BNC2: variants seen among roughly 807,000 people sequenced by gnomAD.
The protein encoded by BNC2 is basonuclin zinc finger protein 2.
BNC2 carries 20 observed loss-of-function variants against 76.3 expected under a neutral mutation model. The observed-to-expected ratio is 0.26, with a 90% CI of 0.18 to 0.38. The LOEUF (loss-of-function observed/expected upper bound fraction) is 0.38. BNC2 is among the 10% of genes least tolerant of loss of function. The probability of loss-of-function intolerance (pLI) is 1.00; values close to 1 mark genes in which losing one functional copy is unlikely to be tolerated. For missense variants in BNC2, 1,382 were observed against 1,399.8 expected, an observed-to-expected ratio of 0.99 and a Z score of 0.20; for synonymous variants, 582 against 514.8, an observed-to-expected ratio of 1.13 and a Z score of -1.77.
At chr9:16,722,316 T>A (rs915500879) in intron 3 of BNC2, among the ~76,000 whole-genome samples, 1 of 152,230 alleles carries the variant, frequency 6.6e-6, no homozygotes, top group Admixed American at 6.5e-5. Flanking sequence ...CAGGGAGGAT[T>A]TGCCGTGGCT....
chr9:16,733,676 A>T (rs2135064204), intron 2 of BNC2, among the ~76,000 whole-genome samples: 1 of 152,248 alleles, frequency 6.6e-6, no homozygotes, highest in African/African-American at 2.4e-5. Flanking sequence ...TAAAGTTCTG[A>T]TATGAAGCCA....
chr9:16,818,651 G>T (rs1412113970), intron 1 of BNC2, among the ~76,000 whole-genome samples: 1 of 152,070 alleles, frequency 6.6e-6, no homozygotes, highest in Non-Finnish European at 1.5e-5. Context: ...AAAAAGTTCA[G>T]ACTAGATCTA....
chr9:16,815,144 T>G (rs148192788), intron 1 of BNC2, among the ~76,000 whole-genome samples: 12 of 152,056 alleles, frequency 7.9e-5, no homozygotes, highest in Non-Finnish European at 1.5e-4. Flanking sequence ...TTAAGAAGTG[T>G]AGAATAAAGC....
At chr9:16,713,163 T>G (rs1823898913) in intron 3 of BNC2, among the ~76,000 whole-genome samples, 1 of 151,956 alleles carries the variant, frequency 6.6e-6, no homozygotes. Flanking sequence ...CCAGCTACAC[T>G]TTTTTTTAAG....
chr9:16,782,104 A>C (rs1208895650), intron 1 of BNC2, among the ~76,000 whole-genome samples: 1 of 152,036 alleles, frequency 6.6e-6, no homozygotes, highest in Admixed American at 6.6e-5. Flanking sequence ...GGCCAACATG[A>C]GGAAACCCCA....
At chr9:16,528,750 T>C (rs1016097861) in intron 5 of BNC2, among the ~76,000 whole-genome samples, 5 of 152,172 alleles carry the variant, frequency 3.3e-5, no homozygotes, top group Admixed American at 1.3e-4. Flanking sequence ...TGTCTTTAAA[T>C]AAGTGACTAA....
chr9:16,415,751 A>G lies in BNC2; in HGVS notation c.*3238T>C, dbSNP rs797014591. ...AGAATTGTACATTTTATGATTTTCC[A>G]TTGCATGTACTACATCCATCCACTC... On this transcript the variant is annotated 3_prime_UTR_variant, in exon 7 of 7. Transcript: ENST00000380672. 6.6e-6 allele frequency: 1 copy of G among 152,346 alleles called. No homozygotes were observed. The highest frequency in any genetic ancestry group is 2.4e-5 in the African/African-American group (1 of 41,580). The allele number at this position is 152,346 out of a possible 1,614,324, so 9.4% of individuals were successfully genotyped here.
At chr9:16,799,026 T>C (rs1003981840) in intron 1 of BNC2, among the ~76,000 whole-genome samples, 1 of 152,210 alleles carries the variant, frequency 6.6e-6, no homozygotes, top group Non-Finnish European at 1.5e-5. Context: ...GTAGTTTTTA[T>C]GGCTCAGAAC....
At chr9:16,761,764 A>C (rs184625256) in intron 1 of BNC2, among the ~76,000 whole-genome samples, 17 of 152,314 alleles carry the variant, frequency 1.1e-4, no homozygotes, top group Admixed American at 1.1e-3. Flanking sequence ...TTTTTGATGA[A>C]CAGAAATAAC....
chr9:16,830,878 A>C (rs1005098750), intron 1 of BNC2, among the ~76,000 whole-genome samples: 6 of 151,510 alleles, frequency 4.0e-5, no homozygotes, highest in African/African-American at 4.9e-5. Context: ...TTGGAGGCTG[A>C]AAGACTTAAA....
intron 3 of BNC2, among the ~76,000 whole-genome samples, chr9:16,687,627 T>A (rs1259607343): frequency 1.3e-5 from 2 of 152,136 alleles, no homozygotes; most frequent in South Asian, 2.1e-4. Flanking sequence ...AAAACCTCAA[T>A]AAATGGGACT....
chr9:16,538,362 TTTAAC>T (rs1326161401), intron 5 of BNC2, among the ~76,000 whole-genome samples: 1 of 151,802 alleles, frequency 6.6e-6, no homozygotes, highest in Non-Finnish European at 1.5e-5. Context: ...GGTACTCTAC[TTTAAC>T]AGGCACCACA....
chr9:16,866,928 G>GT (rs1346600886), intron 1 of BNC2, among the ~76,000 whole-genome samples: 1 of 152,134 alleles, frequency 6.6e-6, no homozygotes, highest in Non-Finnish European at 1.5e-5. Flanking sequence ...TCTGTTTCTT[G>GT]TAAGGATGTA....
At chr9:16,505,903 C>T (rs1344242913) in intron 5 of BNC2, among the ~76,000 whole-genome samples, 1 of 152,124 alleles carries the variant, frequency 6.6e-6, no homozygotes, top group Non-Finnish European at 1.5e-5. Flanking sequence ...TACACAAAGT[C>T]GCATTAACCA....
intron 1 of BNC2, among the ~76,000 whole-genome samples, chr9:16,753,473 A>T (rs1444199286): frequency 6.6e-6 from 1 of 152,230 alleles, no homozygotes; most frequent in Non-Finnish European, 1.5e-5. Flanking sequence ...CAACACTACA[A>T]TGTGATTCAG....
intron 1 of BNC2, among the ~76,000 whole-genome samples, chr9:16,757,942 C>T (rs1023479729): frequency 6.6e-6 from 1 of 152,112 alleles, no homozygotes; most frequent in Admixed American, 6.6e-5. Context: ...TCTATGTCTA[C>T]CCTAAAAAAT....
At chr9:16,779,457 ATACT>A (rs1304520148) in intron 1 of BNC2, among the ~76,000 whole-genome samples, 2 of 152,202 alleles carry the variant, frequency 1.3e-5, no homozygotes, top group Admixed American at 6.5e-5. Context: ...AATTCTAAAC[ATACT>A]TATATATACC....
At chr9:16,627,828 G>A (rs1821042319) in intron 3 of BNC2, among the ~76,000 whole-genome samples, 1 of 151,852 alleles carries the variant, frequency 6.6e-6, no homozygotes. Context: ...TATAATTTGG[G>A]GTTTAAACGG....
chr9:16,820,844 T>C (rs1818309704), intron 1 of BNC2, among the ~76,000 whole-genome samples: 1 of 151,406 alleles, frequency 6.6e-6, no homozygotes, highest in South Asian at 2.1e-4. Context: ...TGGATTAGTA[T>C]TCAATTAATG....
Sources: gnomAD v4.1 joint callset for allele counts (sites outside exome capture counted in the v4.1 genomes callset) on GRCh38, gnomAD v4.1.1 for gene constraint, MANE v1.5 for transcripts, NCBI Gene and HGNC (gene_info 2026-07-23, HGNC 2026-07-21) for gene names.